The following CDKL2 variants were observed in gnomAD, a reference collection of about 807,000 sequenced individuals.
The protein encoded by CDKL2 is cyclin-dependent kinase-like 2.
In CDKL2, 64 loss-of-function variants were observed where a neutral mutation model predicts 63.9. The observed-to-expected ratio is 1.00, with a 90% confidence interval of 0.82 to 1.23. CDKL2 has a LOEUF of 1.23. CDKL2 is among the 50% of genes most tolerant of loss of function. CDKL2 has a pLI of 0.00. For missense variants in CDKL2, 656 were observed against 668.0 expected (o/e 0.98, Z 0.20); for synonymous variants, 211 against 229.2 (o/e 0.92, Z 0.72).
intron 2 of CDKL2, among the ~76,000 whole-genome samples, chr4:75,620,420 T>C (rs1037621657): frequency 2.0e-5 from 3 of 151,966 alleles, no homozygotes; most frequent in Admixed American, 6.6e-5. Context: ...CTTAAAACCA[T>C]GAAAAGTAAC....
chr4:75,590,404 C>G (rs979880643), intron 12 of CDKL2, among the ~76,000 whole-genome samples: 1 of 152,192 alleles, frequency 6.6e-6, no homozygotes, highest in African/African-American at 2.4e-5. Flanking sequence ...TTGTAGAGCT[C>G]TACAGAACTA....
chr4:75,587,840 C>T (rs542216913), intron 12 of CDKL2, among the ~76,000 whole-genome samples: 1 of 147,146 alleles, frequency 6.8e-6, no homozygotes, highest in Admixed American at 6.8e-5. Flanking sequence ...GGAGGCAGAG[C>T]TTGCAGTGAG....
chr4:75,621,631 G>C (rs998621843), intron 2 of CDKL2, among the ~76,000 whole-genome samples: 11 of 151,834 alleles, frequency 7.2e-5, no homozygotes, highest in Non-Finnish European at 5.9e-5. Context: ...AAACTCCTGG[G>C]CTCAAGTGAT....
In CDKL2 at chr4:75,581,798, A is replaced by G. The variant is rs761742054; in HGVS notation, c.*23+12T>C. ...AGGCTGCACAGCTTTAAGTATGGGA[A>G]ATCACACCTACCCAGTTCAGAACCA... On this transcript the variant is annotated intron_variant, in intron 13 of 13. Transcript: ENST00000307465. 6.7e-7 allele frequency: 1 copy of G among 1,481,916 alleles called. No individual in the cohort carries two copies. The highest frequency in any genetic ancestry group is 9.4e-7 in the Non-Finnish European group (1 of 1,062,620). 91.8% of individuals were successfully genotyped at this position (1,481,916 alleles called of 1,614,324 possible). A position where few individuals can be genotyped will look rare whatever the true frequency, so the allele number is the denominator to read the frequency against.
chr4:75,598,148 A>AT lies in CDKL2; in HGVS notation c.948dup (p.Ser317IlefsTer12), dbSNP rs1729024676. Reference sequence around the variant, plus strand: ...TCTTTTTCCTTCTTTCTGTTTTGGGATTTTTTAGATAAAGAAACATTTCTG... The same window carrying AT: ...TCTTTTTCCTTCTTTCTGTTTTGGGATTTTTTTAGATAAAGAAACATTTCTG... On this transcript the variant is annotated frameshift_variant, in exon 8 of 14. Coordinates refer to ENST00000307465, the MANE Select transcript of CDKL2 (RefSeq NM_001330724.2). LOFTEE classifies it high-confidence loss of function. 3.9e-6 allele frequency: 6 copies of AT among 1,548,440 alleles called. No homozygotes were observed. The highest frequency in any genetic ancestry group is 1.4e-5 in the African/African-American group (1 of 72,936).
intron 2 of CDKL2, among the ~76,000 whole-genome samples, chr4:75,618,654 A>G (rs1484428814): frequency 3.9e-5 from 6 of 152,218 alleles, no homozygotes; most frequent in African/African-American, 7.2e-5. Context: ...AATCAAGAAC[A>G]TGAGAATCCA....
chr4:75,587,903 C>CAAA (rs72495158), intron 12 of CDKL2, among the ~76,000 whole-genome samples: 1 of 83,732 alleles, frequency 1.2e-5, no homozygotes. Context: ...GATTCTGTCT[C>CAAA]AAAAAAAAAA....
In CDKL2 at chr4:75,598,325, T is replaced by TA. The variant is rs1343708272; in HGVS notation, c.885-114dup. 2.9e-5 allele frequency: 16 copies of TA among 558,630 alleles called. 1 individual carries two copies. The highest frequency in any genetic ancestry group is 4.3e-5 in the Non-Finnish European group (15 of 347,902). 34.6% of individuals were successfully genotyped at this position (558,630 alleles called of 1,614,324 possible). ...TGAATGTTAAACTAGTCTATGTTAT[T>TA]AAAAATGAGAAAAATCCTGGCCTAG... On this transcript the variant is annotated intron_variant, in intron 7 of 13. Transcript: ENST00000307465.
At chr4:75,586,212 T>C (rs982805103) in intron 12 of CDKL2, among the ~76,000 whole-genome samples, 3 of 144,536 alleles carry the variant, frequency 2.1e-5, no homozygotes, top group African/African-American at 7.8e-5. Flanking sequence ...TTAGAAAACG[T>C]TTGGACTAAC....
chr4:75,611,812 G>A (rs374113096), intron 3 of CDKL2, among the ~76,000 whole-genome samples: 43 of 151,776 alleles, frequency 2.8e-4, no homozygotes, highest in South Asian at 8.3e-4. Flanking sequence ...GTGCCACCAC[G>A]CCCAGCTAAT....
chr4:75,625,468 GA>G (rs1275317223), intron 2 of CDKL2, among the ~76,000 whole-genome samples: 1 of 152,018 alleles, frequency 6.6e-6, no homozygotes, highest in Non-Finnish European at 1.5e-5. Flanking sequence ...TATTTGAGGG[GA>G]AAAAAGTCTG....
intron 7 of CDKL2, among the ~76,000 whole-genome samples, chr4:75,598,995 C>T (rs937194114): frequency 7.9e-5 from 12 of 152,156 alleles, no homozygotes; most frequent in African/African-American, 2.9e-4. Context: ...CTTGTATCCA[C>T]CACTGTGAGC....
At chr4:75,613,938 T>C (rs1729812938) in intron 3 of CDKL2, among the ~76,000 whole-genome samples, 1 of 152,054 alleles carries the variant, frequency 6.6e-6, no homozygotes, top group African/African-American at 2.4e-5. Context: ...ATGCCTGTAA[T>C]CCCAGCTACT....
chr4:75,614,490 CA>C (rs1362158634), intron 2 of CDKL2, 41 bp from the exon 3 acceptor site: 1 of 1,272,846 alleles, frequency 7.9e-7, no homozygotes. Flanking sequence ...TTTAAAAATG[CA>C]AAATAGTTTA....
intron 2 of CDKL2, 77 bp from the exon 3 acceptor site, chr4:75,614,526 CA>C: frequency 1.2e-6 from 1 of 848,168 alleles, no homozygotes; most frequent in South Asian, 2.1e-5. Context: ...AAATTATTAG[CA>C]ATTAATTATT....
intron 1 of CDKL2, among the ~76,000 whole-genome samples, chr4:75,626,636 C>CATGG (rs1730430847): frequency 1.2e-5 from 1 of 84,070 alleles, no homozygotes; most frequent in Non-Finnish European, 3.0e-5. Context: ...CACTGCACTC[C>CATGG]AGCCTGGGCA....
At chr4:75,613,783 C>A (rs758256870) in intron 3 of CDKL2, among the ~76,000 whole-genome samples, 1 of 152,152 alleles carries the variant, frequency 6.6e-6, no homozygotes, top group South Asian at 2.1e-4. Context: ...GAGCCAGGCA[C>A]GGTGGCTCAT....
chr4:75,594,435 G>A (rs1336935801), intron 10 of CDKL2, among the ~76,000 whole-genome samples: 4 of 150,904 alleles, frequency 2.7e-5, no homozygotes, highest in Non-Finnish European at 5.9e-5. Context: ...GCGACAGAGC[G>A]AGATTCTGAC....
intron 12 of CDKL2, among the ~76,000 whole-genome samples, chr4:75,583,453 A>T (rs1440355444): frequency 7.2e-5 from 11 of 152,224 alleles, no homozygotes; most frequent in Non-Finnish European, 1.6e-4. Context: ...ATTCTGAAAG[A>T]TACCAGCCTT....
Sources: allele counts gnomAD v4.1 joint callset (sites outside exome capture counted in the v4.1 genomes callset), GRCh38; gene constraint gnomAD v4.1.1; transcripts MANE v1.5; gene names NCBI Gene and HGNC (gene_info 2026-07-23, HGNC 2026-07-21).